RALB: variants seen among roughly 807,000 people sequenced by gnomAD.
RALB encodes RAS like proto-oncogene B.
RALB carries 16 observed loss-of-function variants against 21.3 expected under a neutral mutation model. That is an observed-to-expected ratio of 0.75 (90% CI 0.51 to 1.14). RALB has a LOEUF of 1.14. RALB is among the 50% of genes most tolerant of loss of function. RALB has a pLI of 0.00. For missense variants in RALB, 161 were observed against 256.2 expected (o/e 0.63, Z 2.54); for synonymous variants, 93 against 96.1 (o/e 0.97, Z 0.19).
chr2:120,263,520 C>T (rs150891205), intron 1 of RALB, among the ~76,000 whole-genome samples: 1 of 152,284 alleles, frequency 6.6e-6, no homozygotes, highest in East Asian at 1.9e-4. Context: ...GGTATTCCTT[C>T]GTTTAATCTT....
At chr2:120,253,663 T>G in intron 1 of RALB, 1 of 985,492 alleles carries the variant, frequency 1.0e-6, no homozygotes, top group African/African-American at 1.7e-5. Flanking sequence ...TCCACACTGC[T>G]TGTGTGAGCA....
chr2:120,282,200 C>T (rs1435945734), intron 2 of RALB, among the ~76,000 whole-genome samples: 5 of 152,072 alleles, frequency 3.3e-5, no homozygotes, highest in Non-Finnish European at 5.9e-5. Context: ...GAGCTGGGGC[C>T]GGGCGCGGTG....
Position 120,252,977 on chromosome 2 carries a change from C to A in RALB, c.-51C>A. 1 of 985,000 alleles carries A rather than the reference C, an allele frequency of 1.0e-6. No individual in the cohort carries two copies. Among genetic ancestry groups the A allele is most frequent in the Non-Finnish European group, 1.2e-6 (1 of 829,988 alleles). 61.0% of individuals were successfully genotyped at this position (985,000 alleles called of 1,614,324 possible). On this transcript the variant is annotated 5_prime_UTR_variant, in exon 1 of 5. Transcript: ENST00000272519. ...GACGGCGGAGGCGGCGGGACTGGTC[C>A]CTGGTAAGGGCGCGGCGCCCGCGGG...
chr2:120,241,150 C>T (rs1451296082), intron 1 of RALB, among the ~76,000 whole-genome samples: 2 of 152,210 alleles, frequency 1.3e-5, no homozygotes, highest in Non-Finnish European at 1.5e-5. Context: ...TGTGTCTGGG[C>T]CCCTGCCTCC....
At chr2:120,272,818 T>C (rs1249493955) in intron 1 of RALB, among the ~76,000 whole-genome samples, 1 of 152,192 alleles carries the variant, frequency 6.6e-6, no homozygotes, top group Non-Finnish European at 1.5e-5. Context: ...TATGTCTTTC[T>C]GTGTTCCCAG....
intron 1 of RALB, among the ~76,000 whole-genome samples, chr2:120,275,946 G>T (rs1309389505): frequency 6.6e-6 from 1 of 152,210 alleles, no homozygotes; most frequent in Non-Finnish European, 1.5e-5. Flanking sequence ...TTTTACAGAT[G>T]TGCTAGTGGG....
rs769322849 is a variant in RALB at position 120,252,914 on chromosome 2, G to C, written c.-114G>C. ...GGACGGCTGGGGTCCGGCCCCGGGA[G>C]GGGGCGGGGCGCGTTTAAGAGCTGC... On this transcript the variant is annotated 5_prime_UTR_variant, in exon 1 of 5. Transcript: ENST00000272519. 35 of 985,418 alleles carry C rather than the reference G, an allele frequency of 3.6e-5. No individual in the cohort carries two copies. Among genetic ancestry groups the C allele is most frequent in the Non-Finnish European group, 3.6e-5 (30 of 830,098 alleles). 61.0% of individuals were successfully genotyped at this position (985,418 alleles called of 1,614,324 possible).
chr2:120,247,702 T>G (rs563506733), intron 1 of RALB, among the ~76,000 whole-genome samples: 3 of 152,218 alleles, frequency 2.0e-5, no homozygotes, highest in Non-Finnish European at 4.4e-5. Flanking sequence ...GGTAGCTGCC[T>G]GCAAAAGGCT....
rs1249738636 is a variant in RALB, at chr2:120,271,238, C to T, written c.-47-7380C>T. ...CTCCTAACATGTATGGTTTTATGTA[C>T]TATGATTTGCTTTCAAAATACATTT... is the stretch of plus-strand genomic sequence containing the variant. On this transcript the variant is annotated intron_variant, in intron 1 of 4. Coordinates refer to ENST00000272519, the MANE Select transcript of RALB (RefSeq NM_002881.3). Among the ~76,000 whole-genome samples the T allele has an allele frequency of 3.9e-5, 6 of 151,920 alleles. No homozygotes were observed. In the East Asian group the frequency reaches 1.2e-3, roughly 29 times the overall value.
chr2:120,271,276 G>A (rs79843145), intron 1 of RALB, among the ~76,000 whole-genome samples: 1,701 of 152,328 alleles, frequency 0.011, 33 homozygotes, highest in African/African-American at 0.039. Flanking sequence ...CTTCTCAAGT[G>A]AATATATGTT....
Position 120,293,394 on chromosome 2 carries a change from G to T in RALB, c.*134G>T. The stretch of plus-strand genomic sequence containing the variant: ...CATTCACTCAAACTTCTTTAAATGG[G>T]GAAAAATATTTGTGACTCTGTGGCT... On this transcript the variant is annotated 3_prime_UTR_variant, in exon 5 of 5. Coordinates refer to ENST00000272519, the MANE Select transcript of RALB (RefSeq NM_002881.3). 1 of 990,488 alleles carries T rather than the reference G, an allele frequency of 1.0e-6. No homozygotes were observed. The highest frequency in any genetic ancestry group is 1.4e-6 in the Non-Finnish European group (1 of 731,910). 61.4% of individuals were successfully genotyped at this position (990,488 alleles called of 1,614,324 possible).
chr2:120,293,093 A>G (rs748050769), intron 4 of RALB, 48 bp from the exon 5 acceptor site: 9 of 1,529,252 alleles, frequency 5.9e-6, no homozygotes, highest in Non-Finnish European at 7.9e-6. Flanking sequence ...AAATCATTAA[A>G]TGGCTCTTTC....
At chr2:120,268,986 A>G (rs1283331233) in intron 1 of RALB, among the ~76,000 whole-genome samples, 1 of 152,186 alleles carries the variant, frequency 6.6e-6, no homozygotes, top group Non-Finnish European at 1.5e-5. Flanking sequence ...CACGTTTCTG[A>G]TAGAATTTGG....
At chr2:120,265,848 A>G (rs532980060) in intron 1 of RALB, among the ~76,000 whole-genome samples, 4 of 152,374 alleles carry the variant, frequency 2.6e-5, no homozygotes, top group African/African-American at 9.6e-5. Context: ...ATAATTCAGG[A>G]TAGGGACATG....
At chr2:120,290,592 T>TA (rs1690282872) in intron 4 of RALB, among the ~76,000 whole-genome samples, 1 of 151,782 alleles carries the variant, frequency 6.6e-6, no homozygotes, top group Non-Finnish European at 1.5e-5. Flanking sequence ...GTGTAGTCTC[T>TA]AAATAGTATT....
chr2:120,278,932 A>G (rs1225303058), intron 2 of RALB, among the ~76,000 whole-genome samples, 154 bp downstream of exon 2: 1 of 152,214 alleles, frequency 6.6e-6, no homozygotes, highest in Non-Finnish European at 1.5e-5. Context: ...GGAAGGTCTA[A>G]TCAGCATAAG....
intron 1 of RALB, among the ~76,000 whole-genome samples, chr2:120,277,629 AGT>A (rs1308207943): frequency 1.7e-4 from 26 of 150,250 alleles, no homozygotes; most frequent in African/African-American, 6.4e-4. Context: ...TGAGCTTGTG[AGT>A]GTACATGAGC....
chr2:120,280,930 T>C, intron 2 of RALB: 1 of 408,424 alleles, frequency 2.4e-6, no homozygotes. Context: ...GTTTAATTAA[T>C]AAAAATATTG....
intron 3 of RALB, among the ~76,000 whole-genome samples, chr2:120,288,617 CA>C (rs1413003324): frequency 6.6e-6 from 1 of 151,790 alleles, no homozygotes; most frequent in African/African-American, 2.4e-5. Flanking sequence ...CTCATGGGAC[CA>C]AAATAATGGA....
Sources: allele counts gnomAD v4.1 joint callset (sites outside exome capture counted in the v4.1 genomes callset), GRCh38; gene constraint gnomAD v4.1.1; transcripts MANE v1.5; gene names NCBI Gene and HGNC (gene_info 2026-07-23, HGNC 2026-07-21).